The following SERPINB8 variants were observed in gnomAD, a reference collection of about 807,000 sequenced individuals.
The protein encoded by SERPINB8 is serpin family B member 8.
In SERPINB8, 25 loss-of-function variants were observed where a neutral mutation model predicts 35.3. The observed-to-expected ratio is 0.71, with a 90% CI of 0.52 to 0.99. The LOEUF (loss-of-function observed/expected upper bound fraction) is 0.99. SERPINB8 is among the 50% of genes least tolerant of loss of function. The probability of loss-of-function intolerance (pLI) is 0.00; values close to 1 mark genes in which losing one functional copy is unlikely to be tolerated. For synonymous variants in SERPINB8, 186 were observed against 160.8 expected (o/e 1.16, Z -1.19); for missense variants, 484 against 446.5 (o/e 1.08, Z -0.76).
rs2050441218 is a variant in SERPINB8, at chr18:63,970,158, G to T, written c.-23G>T. 5.4e-6 allele frequency: 2 copies of T among 368,138 alleles called. No individual in the cohort carries two copies. Among genetic ancestry groups the T allele is most frequent in the South Asian group, 4.1e-5 (2 of 48,834 alleles). The allele number at this position is 368,138 out of a possible 1,614,324, so 22.8% of individuals were successfully genotyped here. ...GGCGGCGGCGGCGGCGGCAGCAGCA[G>T]CAGCAGCAGGAGGTGGGGGCCTCTG... On this transcript the variant is annotated 5_prime_UTR_variant, in exon 1 of 7. Transcript: ENST00000397985.
At chr18:64,003,660 A>G (rs551918110) in intron 1 of SERPINB8, among the ~76,000 whole-genome samples, 12 of 152,164 alleles carry the variant, frequency 7.9e-5, no homozygotes, top group Non-Finnish European at 1.6e-4. Context: ...GAGTAGTTCC[A>G]GCCTGAATGT....
In SERPINB8 at chr18:64,005,044, C is replaced by A. The variant is rs191709025; in HGVS notation, c.*166C>A. The stretch of plus-strand genomic sequence containing the variant: ...AACCTGCGAGCTTCTTTGGGTCCCA[C>A]AAAACACCTGAATAAATACAAAAGA... On this transcript the variant is annotated 3_prime_UTR_variant, in exon 2 of 2. Coordinates refer to the SERPINB8 transcript ENST00000493661. 3 of 392,176 alleles carry A rather than the reference C, an allele frequency of 7.6e-6. No homozygotes were observed. In the Admixed American group the frequency reaches 1.3e-4, roughly 17 times the overall value. The allele number at this position is 392,176 out of a possible 1,614,324, so 24.3% of individuals were successfully genotyped here. A position where few individuals can be genotyped will look rare whatever the true frequency, so the allele number is the denominator to read the frequency against.
rs1348548594 is a variant in SERPINB8, at chr18:63,978,467, G to T, written c.159G>T (p.Gln53His). ...GGGCAAAGGGAAGCACTGCAGCCCAGATGTCCCAGGTATGTGTGCTTGTCA... is the reference window on the plus strand; with the variant it reads ...GGGCAAAGGGAAGCACTGCAGCCCATATGTCCCAGGTATGTGTGCTTGTCA... ...FMGAKGSTAA[Q>H]MSQALCLYKD... The change falls in exon 2 of 7, where the codon CAG becomes CAT. Residue 53 changes from glutamine (Q) to histidine (H), a missense_variant. By Grantham distance (24) the Gln-to-His change is conservative. Coordinates refer to ENST00000397985, the MANE Select transcript of SERPINB8 (RefSeq NM_002640.4). 1 of 1,614,176 alleles carries T rather than the reference G, an allele frequency of 6.2e-7. No homozygotes were observed.
downstream of SERPINB8, among the ~76,000 whole-genome samples, chr18:63,991,096 A>G (rs902896730): frequency 9.9e-5 from 15 of 152,202 alleles, no homozygotes; most frequent in African/African-American, 3.4e-4. Flanking sequence ...CTTGATGTCA[A>G]TTCCACATTG....
At chr18:63,983,490 C>G in intron 4 of SERPINB8, 89 bp from the exon 5 acceptor site, 1 of 1,295,698 alleles carries the variant, frequency 7.7e-7, no homozygotes. Flanking sequence ...TGTCTCTCAA[C>G]CAAGCCTCTG....
chr18:63,974,774 G>A (rs1351656951), intron 1 of SERPINB8, among the ~76,000 whole-genome samples: 4 of 152,164 alleles, frequency 2.6e-5, no homozygotes, highest in Admixed American at 2.6e-4. Context: ...GAAGACAGGG[G>A]GAAGAGTCAT....
chr18:64,016,050 T>G (rs911939816), intron 7 of SERPINB8, among the ~76,000 whole-genome samples: 1 of 152,146 alleles, frequency 6.6e-6, no homozygotes, highest in Non-Finnish European at 1.5e-5. Context: ...CCCTAGACAC[T>G]TTTCCCCCCT....
At chr18:64,005,856 C>A (rs1427340853), downstream of SERPINB8, among the ~76,000 whole-genome samples, 1 of 152,092 alleles carries the variant, frequency 6.6e-6, no homozygotes, top group African/African-American at 2.4e-5. Flanking sequence ...GGGTTTTCTA[C>A]TTGGCCTTAC....
At chr18:63,978,243 C>T (rs1033608795) in intron 1 of SERPINB8, 56 bp from the exon 2 acceptor site, 112 of 1,587,172 alleles carry the variant, frequency 7.1e-5, no homozygotes, top group Non-Finnish European at 8.5e-5. Flanking sequence ...TGAATGACTG[C>T]GTGGCTACCG....
downstream of SERPINB8, among the ~76,000 whole-genome samples, chr18:64,008,582 T>C (rs2050911269): frequency 6.6e-6 from 1 of 151,942 alleles, no homozygotes; most frequent in African/African-American, 2.4e-5. Flanking sequence ...CCCTAGGTTT[T>C]GGCCAGAACA....
intron 7 of SERPINB8, among the ~76,000 whole-genome samples, chr18:64,016,852 C>G (rs1441338999): frequency 6.6e-6 from 1 of 152,200 alleles, no homozygotes; most frequent in African/African-American, 2.4e-5. Flanking sequence ...AAACCTTGCT[C>G]TAAGCCCTAA....
chr18:63,990,036 ATATTTTATTGCTTCTTGCTT>A (rs1464218190), downstream of SERPINB8, among the ~76,000 whole-genome samples: 1 of 146,020 alleles, frequency 6.8e-6, no homozygotes, highest in African/African-American at 2.5e-5. Context: ...TGTCTCATCG[ATATTTTATTGCTTCTTGCTT>A]TATTTTGTTT....
chr18:63,981,418 C>T (rs1248772043), intron 3 of SERPINB8, among the ~76,000 whole-genome samples: 5 of 152,138 alleles, frequency 3.3e-5, no homozygotes, highest in Non-Finnish European at 5.9e-5. Context: ...CAGTGGAGAG[C>T]GTTTGACAAG....
intron 5 of SERPINB8, among the ~76,000 whole-genome samples, chr18:63,984,191 G>A (rs781245868): frequency 4.6e-5 from 7 of 152,118 alleles, no homozygotes; most frequent in African/African-American, 1.2e-4. Context: ...CTTTAATGGC[G>A]GAAGGAAGAG....
intron 7 of SERPINB8, among the ~76,000 whole-genome samples, chr18:64,011,971 CAGTTAGA>C (rs2050927810): frequency 6.6e-6 from 1 of 152,082 alleles, no homozygotes; most frequent in Non-Finnish European, 1.5e-5. Context: ...TGTTTGGTGA[CAGTTAGA>C]AGTGTTTCAT....
Position 63,983,674 on chromosome 18 carries a change from C to A in SERPINB8, c.520C>A (p.Gln174Lys), listed in dbSNP as rs759572691. ...TTATTTCAAGGGAAAGTGGAATGAG[C>A]AATTTGACAGAAAGTACACAAGGGG... ...AIYFKGKWNE[Q>K]FDRKYTRGML... The change falls in exon 5 of 7, where the codon CAA becomes AAA. Residue 174 changes from glutamine (Q) to lysine (K), a missense_variant. Transcript: ENST00000397985. 1.2e-6 allele frequency: 2 copies of A among 1,613,652 alleles called. No homozygotes were observed. The highest frequency in any genetic ancestry group is 3.3e-5 in the Admixed American group (2 of 59,980).
At chr18:64,008,469 G>A (rs1275117179), downstream of SERPINB8, among the ~76,000 whole-genome samples, 24 of 151,156 alleles carry the variant, frequency 1.6e-4, no homozygotes, top group Admixed American at 1.3e-3. Flanking sequence ...GGCTGGTCTC[G>A]AACTCCTGAG....
chr18:63,986,897 G>T lies in SERPINB8; in HGVS notation c.744G>T (p.Glu248Asp), dbSNP rs752536951. Residue 248 changes from glutamate to aspartate, a missense_variant, in exon 7 of 7, where the codon GAG (glutamate) becomes GAT (aspartate). By Grantham distance (45) the Glu-to-Asp change is conservative (BLOSUM62 2). Transcript: ENST00000397985. ...AGGTGGAAAAAGCACTTACATATGA[G>T]AAATTCAAAGCCTGGACAAATTCAG... ...LAVVEKALTYEKFKAWTNSEK... is the reference protein window; with the variant it reads ...LAVVEKALTYDKFKAWTNSEK... The T allele has an allele frequency of 1.2e-6, 2 of 1,610,800 alleles. No individual in the cohort carries two copies. Among genetic ancestry groups the T allele is most frequent in the Non-Finnish European group, 1.7e-6 (2 of 1,179,052 alleles).
At chr18:63,970,796 G>A (rs1264810785) in intron 1 of SERPINB8, among the ~76,000 whole-genome samples, 1 of 151,316 alleles carries the variant, frequency 6.6e-6, no homozygotes, top group African/African-American at 2.4e-5. Flanking sequence ...CCCCCCCTCC[G>A]TTCTTTCCAC....
Sources: allele counts gnomAD v4.1 joint callset (sites outside exome capture counted in the v4.1 genomes callset), GRCh38; gene constraint gnomAD v4.1.1; transcripts MANE v1.5; gene names NCBI Gene and HGNC (gene_info 2026-07-23, HGNC 2026-07-21).